PHIP: variants seen among roughly 807,000 people sequenced by gnomAD.
The protein encoded by PHIP is PH-interacting protein.
PHIP carries 54 observed loss-of-function variants against 236.8 expected under a neutral mutation model. The observed-to-expected ratio is 0.23, with a 90% confidence interval of 0.18 to 0.29. PHIP has a LOEUF of 0.29. PHIP is among the 10% of genes least tolerant of loss of function. PHIP has a pLI of 1.00. For missense variants in PHIP, 1,370 were observed against 2,190.8 expected (o/e 0.63, Z 7.48); for synonymous variants, 756 against 718.9 (o/e 1.05, Z -0.83).
chr6:79,060,322 AAAC>A (rs1773311461), intron 6 of PHIP, among the ~76,000 whole-genome samples, 153 bp downstream of exon 6: 1 of 152,192 alleles, frequency 6.6e-6, no homozygotes, highest in South Asian at 2.1e-4. Flanking sequence ...TTCACTATTA[AAAC>A]TACTACTAAG....
At chr6:79,054,744 A>C (rs1474438140) in intron 6 of PHIP, among the ~76,000 whole-genome samples, 1 of 151,734 alleles carries the variant, frequency 6.6e-6, no homozygotes. Context: ...AAAAACCTTG[A>C]TTGAATAAAT....
At chr6:78,981,452 A>G (rs1176246085) in intron 23 of PHIP, among the ~76,000 whole-genome samples, 1 of 152,050 alleles carries the variant, frequency 6.6e-6, no homozygotes, top group Non-Finnish European at 1.5e-5. Context: ...ATTTAAAGTG[A>G]CCCACATAAT....
chr6:79,025,378 A>C (rs544138152), intron 9 of PHIP, 141 bp downstream of exon 9: 86 of 572,832 alleles, frequency 1.5e-4, no homozygotes, highest in African/African-American at 1.4e-3. Flanking sequence ...AAAACAGGTT[A>C]GTAAAGAGCC....
At chr6:78,943,194 G>A (rs538310056) in intron 39 of PHIP, among the ~76,000 whole-genome samples, 1 of 152,094 alleles carries the variant, frequency 6.6e-6, no homozygotes, top group African/African-American at 2.4e-5. Context: ...TATATGGCTT[G>A]TATTATATTC....
chr6:78,942,001 T>C lies in PHIP; in HGVS notation c.4829-671A>G, dbSNP rs375194518. ...CTATAACTTAGATAAAGGAAAAATA[T>C]GCCACAGGAACTACCAGTAACTAAC... is the stretch of plus-strand genomic sequence containing the variant. On this transcript the variant is annotated intron_variant, in intron 39 of 39. Coordinates refer to ENST00000275034, the MANE Select transcript of PHIP (RefSeq NM_017934.7). Among the ~76,000 whole-genome samples, 10 of 151,884 alleles carry C rather than the reference T, an allele frequency of 6.6e-5. No individual in the cohort carries two copies. In the East Asian group the frequency reaches 1.2e-3, roughly 18 times the overall value.
At position 78,974,733 on chromosome 6, in the gene PHIP, T is replaced by C. The variant is rs1767914916; in HGVS notation, c.2890-3845A>G. ...AGAAATACAAACTACCATCAGAGAA[T>C]ACTACAAACACTTCTACGCAAATAA... On this transcript the variant is annotated intron_variant, in intron 24 of 39. Transcript: ENST00000275034. 2.0e-5 allele frequency among the ~76,000 whole-genome samples: 3 copies of C among 152,140 alleles called. No homozygotes were observed. In the South Asian group the frequency reaches 6.2e-4, roughly 32 times the overall value.
At chr6:78,967,925 G>A (rs1042358237) in intron 27 of PHIP, among the ~76,000 whole-genome samples, 1 of 151,898 alleles carries the variant, frequency 6.6e-6, no homozygotes, top group Non-Finnish European at 1.5e-5. Flanking sequence ...ACAAGGTCAG[G>A]AGATCAAGAC....
chr6:79,056,891 G>A (rs953327864), intron 6 of PHIP, among the ~76,000 whole-genome samples: 10 of 152,104 alleles, frequency 6.6e-5, no homozygotes, highest in African/African-American at 2.2e-4. Flanking sequence ...TTTACTCAGC[G>A]AGTGAATGAA....
At chr6:78,975,446 C>G (rs1562142909) in intron 24 of PHIP, among the ~76,000 whole-genome samples, 1 of 152,136 alleles carries the variant, frequency 6.6e-6, no homozygotes, top group Non-Finnish European at 1.5e-5. Context: ...TGGAAGCATT[C>G]CCTTTGAAAA....
chr6:79,017,554 C>T lies in PHIP; in HGVS notation c.1024G>A (p.Asp342Asn). 2 of 1,612,054 alleles carry T rather than the reference C, an allele frequency of 1.2e-6. No homozygotes were observed. Among genetic ancestry groups the T allele is most frequent in the Non-Finnish European group, 1.7e-6 (2 of 1,178,572 alleles). ...AAAAAATAAACCCGAATAATATGAT[C>T]TGTGCTTCCCGTCGCCAGAAACATT... ...GGMFLATGST[D>N]HIIRVYFFGS... Residue 342 changes from aspartate to asparagine, a missense_variant, in exon 11 of 40, where the codon GAT becomes AAT. By Grantham distance (23) the Asp-to-Asn change is conservative. Transcript: ENST00000275034.
intron 39 of PHIP, among the ~76,000 whole-genome samples, chr6:78,942,220 C>T (rs573834059): frequency 2.0e-5 from 3 of 152,274 alleles, no homozygotes; most frequent in Admixed American, 6.5e-5. Flanking sequence ...CAGTGGCTCA[C>T]GATTATAATC....
Position 79,016,575 on chromosome 6 carries a change from T to C in PHIP, c.1204A>G (p.Ile402Val). The C allele has an allele frequency of 6.2e-7, 1 of 1,611,208 alleles. No homozygotes were observed. Reference protein sequence around the residue: ...WQFKRREWKSILLDMATRPAG... With the variant: ...WQFKRREWKSVLLDMATRPAG... ...GGACGAGTAGCCATATCCAACAAAA[T>C]GCTCTTCCACTCTCTTCGTTTAAAT... Residue 402 changes from isoleucine (I) to valine (V), a missense_variant, in exon 13 of 40, where the codon ATT becomes GTT. Physicochemically the swap from Ile to Val is conservative, Grantham distance 29. This residue lies in a region of PHIP where 188 missense variants were observed against 354.3 expected (regional missense o/e 0.53). Coordinates refer to ENST00000275034, the MANE Select transcript of PHIP (RefSeq NM_017934.7).
Position 79,003,711 on chromosome 6 carries a change from T to C in PHIP, c.1653+19A>G, listed in dbSNP as rs1383806636. On this transcript the variant is annotated intron_variant, in intron 16 of 39. Coordinates refer to ENST00000275034, the MANE Select transcript of PHIP (RefSeq NM_017934.7). ...ATTAAAAAAAAATAAGGACATGATA[T>C]ATAGTCATCATACTCTACCTTGTCA... 11 of 1,573,502 alleles carry C rather than the reference T, an allele frequency of 7.0e-6. No individual in the cohort carries two copies. Among genetic ancestry groups the C allele is most frequent in the Non-Finnish European group, 9.5e-6 (11 of 1,161,150 alleles).
intron 20 of PHIP, among the ~76,000 whole-genome samples, chr6:78,989,940 T>C (rs1450155071): frequency 1.3e-5 from 2 of 152,140 alleles, no homozygotes; most frequent in Non-Finnish European, 2.9e-5. Flanking sequence ...AATTCTAGCA[T>C]TGTGAGGTCC....
At position 78,946,091 on chromosome 6, in the gene PHIP, C is replaced by T; in HGVS notation, c.4540G>A (p.Asp1514Asn). The change falls in exon 38 of 40, where the codon GAT (aspartate) becomes AAT (asparagine). Residue 1514 changes from aspartate to asparagine, a missense_variant. This residue lies in a region of PHIP where 309 missense variants were observed against 328.3 expected (regional missense o/e 0.94). Transcript: ENST00000275034. ...GATGGTTGCTCAGTGACAACTGGAT[C>T]TACAACCACTCGGTTGCTTCTGGTT... Reference protein sequence around the residue: ...VRTRSNRVVVDPVVTEQPSTS... With the variant: ...VRTRSNRVVVNPVVTEQPSTS... The T allele has an allele frequency of 6.2e-7, 1 of 1,613,680 alleles. No individual in the cohort carries two copies. The highest frequency in any genetic ancestry group is 8.5e-7 in the Non-Finnish European group (1 of 1,179,566).
In PHIP at chr6:78,938,913, T is replaced by C. The variant is rs1231029888; in HGVS notation, c.*1780A>G. 1 of 151,674 alleles carries C rather than the reference T, an allele frequency of 6.6e-6. No individual in the cohort carries two copies. Among genetic ancestry groups the C allele is most frequent in the Non-Finnish European group, 1.5e-5 (1 of 67,630 alleles). 9.4% of individuals were successfully genotyped at this position (151,674 alleles called of 1,614,324 possible). A position where few individuals can be genotyped will look rare whatever the true frequency, so the allele number is the denominator to read the frequency against. ...TAATATTTATCCTTATCAGAAATAATTATGTAATGTATTTTGCCAAGGTTC... is the reference window on the plus strand; with the variant it reads ...TAATATTTATCCTTATCAGAAATAACTATGTAATGTATTTTGCCAAGGTTC... On this transcript the variant is annotated 3_prime_UTR_variant, in exon 40 of 40. Transcript: ENST00000275034.
At chr6:79,049,389 T>C (rs1424920946) in intron 6 of PHIP, among the ~76,000 whole-genome samples, 1 of 152,156 alleles carries the variant, frequency 6.6e-6, no homozygotes, top group Non-Finnish European at 1.5e-5. Flanking sequence ...GTGATTCTAA[T>C]TAAAGAAAAC....
At chr6:78,947,535 C>T in intron 36 of PHIP, 88 bp downstream of exon 36, 1 of 637,140 alleles carries the variant, frequency 1.6e-6, no homozygotes, top group South Asian at 2.5e-5. Context: ...TTAACTTTGA[C>T]CTAAATTTTA....
In PHIP at chr6:78,990,608, G is replaced by C. The variant is rs3818839; in HGVS notation, c.2319+260C>G. Among the ~76,000 whole-genome samples the C allele has an allele frequency of 0.3, 45,873 of 151,930 alleles. 7,054 individuals are homozygous for C. The highest frequency in any genetic ancestry group is 0.32 in the Admixed American group (4,810 of 15,252). ...TTATGAAGAGCTAAAGAAAGTTCTT[G>C]ATGAGGCTTCAGTGTAATTTATTAG... On this transcript the variant is annotated intron_variant, in intron 20 of 39. Transcript: ENST00000275034.
Sources: gnomAD v4.1 joint callset for allele counts (sites outside exome capture counted in the v4.1 genomes callset) on GRCh38, gnomAD v4.1.1 for gene constraint, gnomAD v4.1.1 regional missense constraint, MANE v1.5 for transcripts, NCBI Gene and HGNC (gene_info 2026-07-23, HGNC 2026-07-21) for gene names.